ADAMTS10: variants seen among roughly 807,000 people sequenced by gnomAD.
ADAMTS10 encodes the protein ADAM metallopeptidase with thrombospondin type 1 motif 10.
In ADAMTS10, 48 loss-of-function variants were observed where a neutral mutation model predicts 135.9. The ratio of observed to expected loss-of-function variants is 0.35; its 90% CI spans 0.28 to 0.45. The LOEUF (loss-of-function observed/expected upper bound fraction) is 0.45. Ranked by LOEUF, ADAMTS10 falls within the 20% of genes least tolerant of loss-of-function variation. The pLI is 1.00. For missense variants in ADAMTS10, 1,131 were observed against 1,565.2 expected, an observed-to-expected ratio of 0.72 and a Z score of 4.68; for synonymous variants, 621 against 647.5, an observed-to-expected ratio of 0.96 and a Z score of 0.62.
At chr19:8,610,503 AC>A (rs1555743317) in intron 1 of ADAMTS10, 140 bp downstream of exon 1, 2 of 152,018 alleles carry the variant, frequency 1.3e-5, no homozygotes, top group African/African-American at 4.8e-5. Context: ...GCACTTGCGG[AC>A]CTCAGGCACC....
intron 6 of ADAMTS10, among the ~76,000 whole-genome samples, chr19:8,599,396 T>C (rs2042639071): frequency 6.6e-6 from 1 of 152,072 alleles, no homozygotes; most frequent in African/African-American, 2.4e-5. Context: ...AATGGTGCGA[T>C]CTTGGCTCAC....
chr19:8,610,345 CACAG>C (rs1262180795), intron 1 of ADAMTS10, among the ~76,000 whole-genome samples: 5 of 29,656 alleles, frequency 1.7e-4, no homozygotes, highest in Non-Finnish European at 3.3e-4. Context: ...TGTCCAAACA[CACAG>C]ACACACAAGA....
At chr19:8,587,471 C>CT (rs112605791) in intron 18 of ADAMTS10, among the ~76,000 whole-genome samples, 44,242 of 135,742 alleles carry the variant, frequency 0.33, 7,838 homozygotes, top group East Asian at 0.72. Context: ...GCCTGGCCAG[C>CT]TTTTTTTTTT....
At chr19:8,588,077 C>T (rs1337862548) in intron 18 of ADAMTS10, among the ~76,000 whole-genome samples, 1 of 151,830 alleles carries the variant, frequency 6.6e-6, no homozygotes, top group Admixed American at 6.6e-5. Flanking sequence ...GGTGAAACCC[C>T]ATCTCTTCTA....
chr19:8,598,270 C>T (rs997215257), intron 6 of ADAMTS10, among the ~76,000 whole-genome samples: 5 of 152,170 alleles, frequency 3.3e-5, no homozygotes, highest in African/African-American at 9.7e-5. Flanking sequence ...CCTCCAAGCT[C>T]AGCTTATCTA....
At position 8,605,125 on chromosome 19, in the gene ADAMTS10, T is replaced by G. The variant is rs782026108; in HGVS notation, c.322A>C (p.Thr108Pro). 1 of 1,613,610 alleles carries G rather than the reference T, an allele frequency of 6.2e-7. No individual in the cohort carries two copies. The highest frequency in any genetic ancestry group is 8.5e-7 in the Non-Finnish European group (1 of 1,179,874). The change falls in exon 4 of 26, where the codon ACA (threonine) becomes CCA (proline). Residue 108 changes from threonine (T) to proline (P), a missense_variant. Thr to Pro is a conservative substitution (Grantham distance 38). Coordinates refer to ENST00000597188, the MANE Select transcript of ADAMTS10 (RefSeq NM_030957.4). The surrounding 1 kb of genome is among the most constrained non-coding windows in gnomAD (Gnocchi z 7.7). ...LAGHVSVEYW[T>P]REGLAWQRAA... is the part of the protein sequence containing the mutation. The stretch of plus-strand genomic sequence containing the variant: ...CTCTGCCAGGCCAGGCCCTCCCGTG[T>G]CCAGTACTCCACGGAGACGTGCCCT...
chr19:8,592,330 G>T, intron 13 of ADAMTS10: 1 of 848,036 alleles, frequency 1.2e-6, no homozygotes, highest in Non-Finnish European at 1.8e-6. Context: ...TTAACGGGGA[G>T]GGGTGTAGAC....
intron 14 of ADAMTS10, 40 bp from the exon 15 acceptor site, chr19:8,591,903 G>A (rs1233611866): frequency 6.2e-7 from 1 of 1,612,224 alleles, no homozygotes; most frequent in Non-Finnish European, 8.5e-7. Flanking sequence ...TGAGGCAGTG[G>A]GCGATGGGGG....
chr19:8,607,371 C>T (rs1431943874), intron 2 of ADAMTS10, among the ~76,000 whole-genome samples: 3 of 152,146 alleles, frequency 2.0e-5, no homozygotes, highest in East Asian at 3.9e-4. Context: ...GTGTTTCTGA[C>T]CCCGTCCTCC....
Position 8,589,234 on chromosome 19 carries a change from A to C in ADAMTS10, c.2158+8T>G. Reference sequence around the variant, plus strand: ...AGGGAGTGTGGGAGGGAAGCTGGAGACTCTCACCGGCCCCAGGTGAGGCTG... The same window carrying C: ...AGGGAGTGTGGGAGGGAAGCTGGAGCCTCTCACCGGCCCCAGGTGAGGCTG... On this transcript the variant is annotated splice_region_variant and intron_variant, in intron 18 of 25. Coordinates refer to ENST00000597188, the MANE Select transcript of ADAMTS10 (RefSeq NM_030957.4). 6.2e-7 allele frequency: 1 copy of C among 1,611,742 alleles called. No homozygotes were observed. The highest frequency in any genetic ancestry group is 2.2e-5 in the East Asian group (1 of 44,806).
At position 8,596,852 on chromosome 19, in the gene ADAMTS10, C is replaced by T. The variant is rs1430239578; in HGVS notation, c.1040+135G>A. 6.4e-6 allele frequency: 9 copies of T among 1,412,890 alleles called. No individual in the cohort carries two copies. The highest frequency in any genetic ancestry group is 7.8e-6 in the Non-Finnish European group (8 of 1,025,076). The allele number at this position is 1,412,890 out of a possible 1,614,324, so 87.5% of individuals were successfully genotyped here. ...ATTCTCAAGCAGCCCCTCCCCATCC[C>T]TGGCTCCCTCATGGGCAGCCCAAAC... On this transcript the variant is annotated intron_variant, in intron 8 of 25. Coordinates refer to ENST00000597188, the MANE Select transcript of ADAMTS10 (RefSeq NM_030957.4). This position sits in a 1 kb window ranked among gnomAD's most constrained non-coding sequence, Gnocchi z 7.2.
intron 12 of ADAMTS10, 60 bp downstream of exon 12, chr19:8,595,702 T>TCCCCCCCCCC: frequency 2.2e-6 from 2 of 894,226 alleles, no homozygotes; most frequent in Non-Finnish European, 3.4e-6. Flanking sequence ...TGGAGTTCCC[T>TCCCCCCCCCC]CCCCCAGCCC....
At chr19:8,590,124 C>A in intron 15 of ADAMTS10, 133 bp from the exon 16 acceptor site, 1 of 684,864 alleles carries the variant, frequency 1.5e-6, no homozygotes, top group South Asian at 1.6e-5. Flanking sequence ...CTGTGGTGGT[C>A]TGCGTGAGAC....
intron 22 of ADAMTS10, 92 bp downstream of exon 22, chr19:8,586,030 A>C: frequency 6.3e-7 from 1 of 1,593,012 alleles, no homozygotes; most frequent in Non-Finnish European, 8.6e-7. Context: ...CTCTGCACTA[A>C]TCTGCTCCCC....
Position 8,592,078 on chromosome 19 carries a change from G to A in ADAMTS10, c.1613C>T (p.Pro538Leu). 6.2e-7 allele frequency: 1 copy of A among 1,613,802 alleles called. No homozygotes were observed. Among genetic ancestry groups the A allele is most frequent in the East Asian group, 2.2e-5 (1 of 44,872 alleles). Residue 538 changes from proline to leucine, a missense_variant, in exon 14 of 26, where the codon CCC becomes CTC. By Grantham distance (98) the Pro-to-Leu change is moderately conservative. Coordinates refer to ENST00000597188, the MANE Select transcript of ADAMTS10 (RefSeq NM_030957.4). ...CACACCCTCTGGGCGCGACCCAAAGGGGACACAGACCCGTTTGTAGCACCA... is the reference window on the plus strand; with the variant it reads ...CACACCCTCTGGGCGCGACCCAAAGAGGACACAGACCCGTTTGTAGCACCA... Reference protein sequence around the residue: ...KGWCYKRVCVPFGSRPEGVDG... With the variant: ...KGWCYKRVCVLFGSRPEGVDG...
chr19:8,586,358 G>A lies in ADAMTS10; in HGVS notation c.2516C>T (p.Ala839Val), dbSNP rs2042430003. Residue 839 changes from alanine to valine, a missense_variant, in exon 21 of 26, where the codon GCC becomes GTC. Ala to Val is a moderately conservative substitution (Grantham distance 64, BLOSUM62 0). This residue lies in a region of ADAMTS10 where 745 missense variants were observed against 1,056.3 expected (regional missense o/e 0.71). Transcript: ENST00000597188. Reference sequence around the variant, plus strand: ...CCCGGCCTCACCGCCTGCACACTGGGCCGAGCACTTGGTCCAGGGCGCATA... The same window carrying A: ...CCCGGCCTCACCGCCTGCACACTGGACCGAGCACTTGGTCCAGGGCGCATA... ...WHYAPWTKCS[A>V]QCAGGSQVQA... 1 of 1,613,670 alleles carries A rather than the reference G, an allele frequency of 6.2e-7. No homozygotes were observed. Among genetic ancestry groups the A allele is most frequent in the Non-Finnish European group, 8.5e-7 (1 of 1,179,960 alleles).
At chr19:8,592,899 G>T (rs1568399604) in intron 12 of ADAMTS10, 29 bp from the exon 13 acceptor site, 1 of 1,594,820 alleles carries the variant, frequency 6.3e-7, no homozygotes, top group Non-Finnish European at 8.5e-7. Context: ...GCTCAGGCTC[G>T]CCCCCCTCCC....
At chr19:8,585,685 C>G in intron 22 of ADAMTS10, 25 bp from the exon 23 acceptor site, 1 of 1,609,594 alleles carries the variant, frequency 6.2e-7, no homozygotes, top group Non-Finnish European at 8.5e-7. Flanking sequence ...GGGGTCTGAG[C>G]AAGTAAGCAG....
intron 14 of ADAMTS10, 28 bp downstream of exon 14, chr19:8,591,930 C>T (rs2042536221): frequency 1.2e-6 from 2 of 1,611,676 alleles, no homozygotes; most frequent in Non-Finnish European, 1.7e-6. Context: ...TCGCGCTGCC[C>T]TCCCGGGTGG....
Sources: gnomAD v4.1 joint callset for allele counts (sites outside exome capture counted in the v4.1 genomes callset) on GRCh38, gnomAD v4.1.1 for gene constraint, gnomAD v4.1.1 regional missense constraint, Gnocchi (gnomAD v3.1) non-coding constraint, MANE v1.5 for transcripts, NCBI Gene and HGNC (gene_info 2026-07-23, HGNC 2026-07-21) for gene names.